The following OSBP2 variants were observed in gnomAD, a reference collection of about 807,000 sequenced individuals.
OSBP2 encodes the protein oxysterol-binding protein 2.
A neutral mutation model predicts 96.0 loss-of-function variants in OSBP2; 66 were observed. The observed-to-expected ratio is 0.69, with a 90% CI of 0.56 to 0.84. The LOEUF is 0.84. Among genes scored for constraint, OSBP2 ranks in the 40% least tolerant of loss-of-function variants. The pLI, the probability that OSBP2 is intolerant of heterozygous loss-of-function variation, is 0.00. For synonymous variants in OSBP2, 525 were observed against 520.9 expected (o/e 1.01, Z -0.11); for missense variants, 1,038 against 1,222.7 (o/e 0.85, Z 2.25).
rs572542035 is a variant in OSBP2, at chr22:30,794,822, G to A, written c.853+53453G>A. Among the ~76,000 whole-genome samples, 13 of 150,270 alleles carry A rather than the reference G, an allele frequency of 8.7e-5. No homozygotes were observed. In the East Asian group the frequency reaches 1.2e-3, roughly 14 times the overall value. ...AAAAAAAAAATTCCCGTTACTTTTC[G>A]TATTATTGTTATTTTATGTTTTATT... is the stretch of plus-strand genomic sequence containing the variant. On this transcript the variant is annotated intron_variant, in intron 2 of 13. Coordinates refer to ENST00000332585, the MANE Select transcript of OSBP2 (RefSeq NM_030758.4).
intron 1 of OSBP2, among the ~76,000 whole-genome samples, chr22:30,703,997 A>T (rs549790833): frequency 2.0e-4 from 31 of 152,264 alleles, no homozygotes; most frequent in Non-Finnish European, 1.5e-5. Flanking sequence ...TTACATGGGG[A>T]AAAAACTGGA....
intron 2 of OSBP2, among the ~76,000 whole-genome samples, chr22:30,776,850 A>G (rs971815041): frequency 2.0e-5 from 3 of 152,206 alleles, no homozygotes; most frequent in African/African-American, 7.2e-5. Flanking sequence ...GCCTAAGACC[A>G]TGGGAACCCA....
intron 2 of OSBP2, among the ~76,000 whole-genome samples, chr22:30,792,291 C>T (rs538505061): frequency 4.7e-5 from 7 of 150,524 alleles, no homozygotes; most frequent in Admixed American, 6.6e-5. Flanking sequence ...CCAGCCTGGG[C>T]GACAGAGCGA....
In OSBP2 at chr22:30,695,428, C is replaced by T. The variant is rs1340980432; in HGVS notation, c.519C>T (p.Ser173=). 1.2e-6 allele frequency: 2 copies of T among 1,613,804 alleles called. No individual in the cohort carries two copies. Among genetic ancestry groups the T allele is most frequent in the South Asian group, 2.2e-5 (2 of 91,084 alleles). ...CAATGTCGGGGACTGGCACGACCTC[C>T]AGTGCCCCACTGGCCTTACTGCCTC... ...GVPMSGTGTT[S]SAPLALLPLD... Residue 173 remains serine (S), a synonymous_variant, in exon 1 of 14, where the codon TCC becomes TCT. Coordinates refer to ENST00000332585, the MANE Select transcript of OSBP2 (RefSeq NM_030758.4).
intron 2 of OSBP2, among the ~76,000 whole-genome samples, chr22:30,860,109 G>A (rs138282915): frequency 6.6e-6 from 1 of 152,252 alleles, no homozygotes; most frequent in Non-Finnish European, 1.5e-5. Flanking sequence ...TAGAGAATCT[G>A]TTTCACCATA....
At chr22:30,877,636 G>A (rs2039612963) in intron 3 of OSBP2, among the ~76,000 whole-genome samples, 1 of 152,184 alleles carries the variant, frequency 6.6e-6, no homozygotes, top group Non-Finnish European at 1.5e-5. Context: ...AGGCTGGGGC[G>A]TGCTCTCCCC....
In OSBP2 at chr22:30,906,587, C is replaced by G. The variant is rs2040341770; in HGVS notation, c.*248C>G. Reference sequence around the variant, plus strand: ...GTGCCCCTTCATTATGGACCTGGGCCCTACCGGAACCCCTGCCCCAGTTAC... The same window carrying G: ...GTGCCCCTTCATTATGGACCTGGGCGCTACCGGAACCCCTGCCCCAGTTAC... On this transcript the variant is annotated 3_prime_UTR_variant, in exon 14 of 14. Transcript: ENST00000332585. The G allele has an allele frequency of 7.8e-6, 3 of 385,040 alleles. No individual in the cohort carries two copies. The highest frequency in any genetic ancestry group is 1.4e-5 in the Non-Finnish European group (3 of 219,350). 23.9% of individuals were successfully genotyped at this position (385,040 alleles called of 1,614,324 possible).
At chr22:30,693,845 A>C, upstream of OSBP2, 1 of 508,746 alleles carries the variant, frequency 2.0e-6, no homozygotes, top group South Asian at 2.1e-5. Flanking sequence ...GGGCCGTGGA[A>C]TTCCAGCTAC....
At chr22:30,762,145 C>T (rs2090212034) in intron 2 of OSBP2, among the ~76,000 whole-genome samples, 1 of 152,074 alleles carries the variant, frequency 6.6e-6, no homozygotes. Flanking sequence ...TCATTTGAAC[C>T]TGGGAAGCAG....
intron 2 of OSBP2, among the ~76,000 whole-genome samples, chr22:30,753,132 A>G (rs2090098126): frequency 6.6e-6 from 1 of 152,134 alleles, no homozygotes; most frequent in Non-Finnish European, 1.5e-5. Flanking sequence ...TTCAGGAGCA[A>G]GGTGTGGCAG....
rs562829562 is a variant in OSBP2 at position 30,695,241 on chromosome 22, G to A, written c.332G>A (p.Ser111Asn). The A allele has an allele frequency of 6.2e-7, 1 of 1,613,554 alleles. No individual in the cohort carries two copies. Among genetic ancestry groups the A allele is most frequent in the Admixed American group, 1.7e-5 (1 of 60,032 alleles). The part of the protein sequence containing the change: ...LQGSRPGSES[S>N]SGVGAGPFTK... ...GGGTCGCGGCCGGGGTCAGAGTCAA[G>A]CTCAGGTGTAGGGGCTGGGCCCTTC... The change falls in exon 1 of 14, where the codon AGC becomes AAC. Residue 111 changes from serine (S) to asparagine (N), a missense_variant. Ser to Asn is a conservative substitution (Grantham distance 46). This residue lies in a region of OSBP2 where 281 missense variants were observed against 273.4 expected (regional missense o/e 1.03). Coordinates refer to ENST00000332585, the MANE Select transcript of OSBP2 (RefSeq NM_030758.4).
intron 2 of OSBP2, among the ~76,000 whole-genome samples, chr22:30,781,912 C>T (rs567065928): frequency 3.9e-4 from 59 of 152,252 alleles, no homozygotes; most frequent in Middle Eastern, 3.4e-3. Flanking sequence ...TTTGGGAGGC[C>T]GAGGTGGATG....
intron 2 of OSBP2, among the ~76,000 whole-genome samples, chr22:30,828,347 GC>G (rs1208586130): frequency 1.3e-5 from 2 of 152,170 alleles, no homozygotes; most frequent in Non-Finnish European, 2.9e-5. Context: ...CAGGTGACAG[GC>G]ACCCAGCCCA....
intron 3 of OSBP2, among the ~76,000 whole-genome samples, chr22:30,874,887 G>C (rs1602397229): frequency 6.6e-6 from 1 of 152,280 alleles, no homozygotes; most frequent in South Asian, 2.1e-4. Context: ...TCTTGGCTGG[G>C]ACCCCGGCTC....
chr22:30,792,550 T>C (rs1044915051), intron 2 of OSBP2, among the ~76,000 whole-genome samples: 3 of 152,176 alleles, frequency 2.0e-5, no homozygotes, highest in Admixed American at 2.0e-4. Context: ...ATTGTGTCTA[T>C]GCATGAATCA....
intron 12 of OSBP2, among the ~76,000 whole-genome samples, chr22:30,900,057 G>A (rs1440368404): frequency 1.3e-5 from 2 of 152,124 alleles, no homozygotes; most frequent in Non-Finnish European, 2.9e-5. Context: ...TCGGGAGTTT[G>A]AGACCAGCCT....
intron 2 of OSBP2, among the ~76,000 whole-genome samples, chr22:30,845,601 C>T (rs751007061): frequency 2.0e-5 from 3 of 150,336 alleles, no homozygotes; most frequent in Non-Finnish European, 3.0e-5. Context: ...GGGTGGGGGA[C>T]GGCCAGGCAC....
intron 1 of OSBP2, among the ~76,000 whole-genome samples, chr22:30,712,205 C>G (rs1311764035): frequency 6.6e-6 from 1 of 152,188 alleles, no homozygotes; most frequent in African/African-American, 2.4e-5. Flanking sequence ...CCCTCCTCCT[C>G]TTTCTTCTCC....
Position 30,881,866 on chromosome 22 carries a change from T to C in OSBP2, c.1108-5560T>C. ...TGCATCCATGGGGTGACCAGGCAGC[T>C]CATGTGCTGTGGGGGTAAAGGTCTT... On this transcript the variant is annotated intron_variant, in intron 3 of 13. Coordinates refer to ENST00000332585, the MANE Select transcript of OSBP2 (RefSeq NM_030758.4). The surrounding 1 kb of genome is among the most constrained non-coding windows in gnomAD (Gnocchi z 4.5). The C allele has an allele frequency of 7.8e-7, 1 of 1,280,004 alleles. No homozygotes were observed. The highest frequency in any genetic ancestry group is 1.0e-6 in the Non-Finnish European group (1 of 969,782). The allele number at this position is 1,280,004 out of a possible 1,614,324, so 79.3% of individuals were successfully genotyped here.
Sources: allele counts gnomAD v4.1 joint callset (sites outside exome capture counted in the v4.1 genomes callset), GRCh38; gene constraint gnomAD v4.1.1; regional missense constraint gnomAD v4.1.1; non-coding constraint Gnocchi (gnomAD v3.1); transcripts MANE v1.5; gene names NCBI Gene and HGNC (gene_info 2026-07-23, HGNC 2026-07-21).